Variants in KCNH5 observed in about 807,000 individuals in gnomAD.
The protein encoded by KCNH5 is potassium voltage-gated channel subfamily H member 5.
A neutral mutation model predicts 96.1 loss-of-function variants in KCNH5; 46 were observed. The observed-to-expected ratio is 0.48, with a 90% CI of 0.38 to 0.61. The LOEUF (loss-of-function observed/expected upper bound fraction) is 0.61, where lower values mean the gene tolerates loss of function less well. Among genes scored for constraint, KCNH5 ranks in the 20% least tolerant of loss-of-function variants. KCNH5 has a pLI of 0.00. For synonymous variants in KCNH5, 439 were observed against 449.8 expected, an observed-to-expected ratio of 0.98 and a Z score of 0.30; for missense variants, 907 against 1,225.8, an observed-to-expected ratio of 0.74 and a Z score of 3.88.
At chr14:62,746,238 A>C (rs771188929) in intron 10 of KCNH5, among the ~76,000 whole-genome samples, 15 of 152,194 alleles carry the variant, frequency 9.9e-5, no homozygotes, top group Non-Finnish European at 1.3e-4. Context: ...AAATCCATGT[A>C]ATATCTGTAT....
At chr14:62,795,140 G>T (rs1013736700) in intron 9 of KCNH5, among the ~76,000 whole-genome samples, 1 of 152,050 alleles carries the variant, frequency 6.6e-6, no homozygotes, top group Non-Finnish European at 1.5e-5. Context: ...CTAAACTAAA[G>T]TTATGGGCTT....
chr14:62,734,939 T>A (rs559770725), intron 10 of KCNH5, among the ~76,000 whole-genome samples: 1 of 152,158 alleles, frequency 6.6e-6, no homozygotes, highest in South Asian at 2.1e-4. Flanking sequence ...CATGAAAAAA[T>A]TCGTATTCTG....
At chr14:62,841,814 C>G (rs1396431643) in intron 8 of KCNH5, among the ~76,000 whole-genome samples, 2 of 152,212 alleles carry the variant, frequency 1.3e-5, no homozygotes, top group African/African-American at 4.8e-5. Context: ...GGTGGTAACT[C>G]CAATACAGAT....
rs903303355 is a variant in KCNH5 at position 62,754,741 on chromosome 14, G to T, written c.2019+24987C>A. On this transcript the variant is annotated intron_variant, in intron 10 of 10. Transcript: ENST00000322893. ...ACAAAAAAAAATAGTCAAGCATGGG[G>T]GTGTGTGGCTTTAGTACCAGCTGCT... 1.3e-5 allele frequency among the ~76,000 whole-genome samples: 2 copies of T among 151,758 alleles called. 1 individual carries two copies. Among genetic ancestry groups the T allele is most frequent in the South Asian group, 4.2e-4 (2 of 4,802 alleles).
intron 1 of KCNH5, among the ~76,000 whole-genome samples, chr14:63,018,698 G>T (rs931194020): frequency 1.4e-4 from 22 of 152,018 alleles, no homozygotes; most frequent in Non-Finnish European, 3.1e-4. Context: ...GTCTCTTCAT[G>T]ATCAAGGTCA....
At chr14:62,865,261 G>C (rs915265659) in intron 7 of KCNH5, among the ~76,000 whole-genome samples, 1 of 151,474 alleles carries the variant, frequency 6.6e-6, no homozygotes, top group Non-Finnish European at 1.5e-5. Flanking sequence ...ACTGTGTTCC[G>C]TGGGTCTTAA....
chr14:62,714,382 A>G (rs536788660), intron 10 of KCNH5, among the ~76,000 whole-genome samples: 1 of 152,282 alleles, frequency 6.6e-6, no homozygotes. Context: ...ACATTGATGA[A>G]TTTGATTTAG....
intron 7 of KCNH5, among the ~76,000 whole-genome samples, chr14:62,863,280 A>G (rs1888072568): frequency 6.6e-6 from 1 of 152,188 alleles, no homozygotes; most frequent in Non-Finnish European, 1.5e-5. Flanking sequence ...CTCCTTGTGT[A>G]GCAAAGTAAA....
intron 7 of KCNH5, among the ~76,000 whole-genome samples, chr14:62,938,440 A>G (rs1434957259): frequency 6.6e-6 from 1 of 152,250 alleles, no homozygotes; most frequent in South Asian, 2.1e-4. Flanking sequence ...GAGCTGGCTT[A>G]GAAATTACTC....
At position 62,843,708 on chromosome 14, in the gene KCNH5, C is replaced by A. The variant is rs139661901; in HGVS notation, c.1569+5945G>T. ...TACAGGCGTGAGCCACTGAGCCCGG[C>A]CCCTACATGGCTTTTAAATACAGCA... On this transcript the variant is annotated intron_variant, in intron 8 of 10. Coordinates refer to ENST00000322893, the MANE Select transcript of KCNH5 (RefSeq NM_139318.5). 3.7e-3 allele frequency among the ~76,000 whole-genome samples: 558 copies of A among 152,244 alleles called. 5 individuals carry two copies. Among genetic ancestry groups the A allele is most frequent in the African/African-American group, 0.012 (513 of 41,524 alleles).
intron 7 of KCNH5, among the ~76,000 whole-genome samples, chr14:62,898,821 A>T (rs1005548006): frequency 2.0e-5 from 3 of 152,168 alleles, no homozygotes; most frequent in African/African-American, 7.2e-5. Context: ...CATAATAGAA[A>T]TTATATGCAG....
rs1884432018 is a variant in KCNH5, at chr14:62,706,379, G to T, written c.*1129C>A. ...GCAACTTAATGTCTACTTCTTGGTT[G>T]GTTGGTTTGTTTGTTTTACCACATT... On this transcript the variant is annotated 3_prime_UTR_variant, in exon 11 of 11. Transcript: ENST00000322893. 6.6e-6 allele frequency: 1 copy of T among 152,110 alleles called. No homozygotes were observed. Among genetic ancestry groups the T allele is most frequent in the South Asian group, 2.1e-4 (1 of 4,826 alleles). The allele number at this position is 152,110 out of a possible 1,614,324, so 9.4% of individuals were successfully genotyped here.
At position 63,024,213 on chromosome 14, in the gene KCNH5, A is replaced by T. The variant is rs375265659; in HGVS notation, c.74-7259T>A. Among the ~76,000 whole-genome samples the T allele has an allele frequency of 1.5e-3, 203 of 139,960 alleles. 7 individuals are homozygous for T. Among genetic ancestry groups the T allele is most frequent in the South Asian group, 5.5e-3 (25 of 4,586 alleles). The allele number at this position is 139,960 out of a possible 152,430, so 91.8% of individuals were successfully genotyped here. On this transcript the variant is annotated intron_variant, in intron 1 of 10. Coordinates refer to ENST00000322893, the MANE Select transcript of KCNH5 (RefSeq NM_139318.5). The stretch of plus-strand genomic sequence containing the variant: ...AATAGAGTGAGACTCCATCTCAAAA[A>T]ATATATATATATATATCTTGAGACA...
At chr14:62,747,495 C>A (rs1885403125) in intron 10 of KCNH5, among the ~76,000 whole-genome samples, 1 of 152,144 alleles carries the variant, frequency 6.6e-6, no homozygotes, top group African/African-American at 2.4e-5. Flanking sequence ...ATTTCTATAG[C>A]CACAAAGGCA....
chr14:62,974,502 T>C (rs939661212), intron 6 of KCNH5, among the ~76,000 whole-genome samples: 2 of 152,200 alleles, frequency 1.3e-5, no homozygotes, highest in South Asian at 2.1e-4. Flanking sequence ...TTCCTTCTTT[T>C]CAAACAGAAT....
chr14:62,726,178 C>G (rs1299625515), intron 10 of KCNH5, among the ~76,000 whole-genome samples: 1 of 151,530 alleles, frequency 6.6e-6, no homozygotes, highest in African/African-American at 2.4e-5. Context: ...TAATGTGATA[C>G]GTAAAAAAAC....
chr14:62,948,113 T>C (rs1461300408), intron 7 of KCNH5, among the ~76,000 whole-genome samples: 1 of 152,136 alleles, frequency 6.6e-6, no homozygotes, highest in African/African-American at 2.4e-5. Context: ...TTACTGAGAA[T>C]GATGGTTTCC....
At chr14:62,901,511 G>T (rs932213768) in intron 7 of KCNH5, among the ~76,000 whole-genome samples, 1 of 152,118 alleles carries the variant, frequency 6.6e-6, no homozygotes, top group South Asian at 2.1e-4. Context: ...AATTCACTTA[G>T]GATAATGGGT....
intron 7 of KCNH5, among the ~76,000 whole-genome samples, chr14:62,942,844 G>A (rs1889813531): frequency 6.6e-6 from 1 of 152,228 alleles, no homozygotes; most frequent in East Asian, 1.9e-4. Context: ...TTTTTAGTTT[G>A]GTTTGTTTTG....
Sources: allele counts gnomAD v4.1 joint callset (sites outside exome capture counted in the v4.1 genomes callset), GRCh38; gene constraint gnomAD v4.1.1; transcripts MANE v1.5; gene names NCBI Gene and HGNC (gene_info 2026-07-23, HGNC 2026-07-21).